ZNF236: variants seen among roughly 807,000 people sequenced by gnomAD.
ZNF236 encodes the protein regulated by glucose.
ZNF236 carries 50 observed loss-of-function variants against 191.2 expected under a neutral mutation model. That is an observed-to-expected ratio of 0.26 (90% CI 0.21 to 0.33). The LOEUF (loss-of-function observed/expected upper bound fraction) is 0.33. Among genes scored for constraint, ZNF236 ranks in the 10% least tolerant of loss-of-function variants. The probability of loss-of-function intolerance (pLI) is 1.00; values close to 1 mark genes in which losing one functional copy is unlikely to be tolerated. For missense variants in ZNF236, 1,754 were observed against 2,374.5 expected (o/e 0.74, Z 5.43); for synonymous variants, 907 against 928.8 (o/e 0.98, Z 0.43).
intron 25 of ZNF236, among the ~76,000 whole-genome samples, chr18:76,935,013 G>C (rs73488949): frequency 0.026 from 3,903 of 152,284 alleles, 183 homozygotes; most frequent in African/African-American, 0.088. Flanking sequence ...CATGCTGGAG[G>C]AACAGTGGTT....
intron 25 of ZNF236, among the ~76,000 whole-genome samples, chr18:76,934,036 A>G (rs538255089): frequency 6.6e-6 from 1 of 152,364 alleles, no homozygotes; most frequent in African/African-American, 2.4e-5. Context: ...TAATGCCCAT[A>G]CAAAACTTAT....
chr18:76,840,519 C>T lies in ZNF236; in HGVS notation c.56-9007C>T, dbSNP rs886414168. ...CAAAAAAAAAAGAAAAAGAGGGAGA[C>T]GTTAATAACATTAAGCATGAAAAGA... On this transcript the variant is annotated intron_variant, in intron 1 of 30. Transcript: ENST00000320610. Among the ~76,000 whole-genome samples the T allele has an allele frequency of 6.0e-5, 9 of 150,488 alleles. No individual in the cohort carries two copies. The South Asian group carries it at 1.7e-3, about 28-fold the overall frequency.
At position 76,960,784 on chromosome 18, in the gene ZNF236, C is replaced by T; in HGVS notation, c.5348C>T (p.Ala1783Val). ...ACGGGGGAGCGGCCCTACAAGTGTG[C>T]CTACTGCGTCATGGGCTTCACGCAG... ...KHTGERPYKCAYCVMGFTQKS... is the reference protein window; with the variant it reads ...KHTGERPYKCVYCVMGFTQKS... The change falls in exon 30 of 31, where the codon GCC (alanine) becomes GTC (valine). Residue 1783 changes from alanine to valine, a missense_variant. Physicochemically the swap from Ala to Val is moderately conservative, Grantham distance 64 (BLOSUM62 0). This residue lies in a region of ZNF236 where 606 missense variants were observed against 761.5 expected (regional missense o/e 0.80). Transcript: ENST00000320610. The surrounding 1 kb of genome is among the most constrained non-coding windows in gnomAD (Gnocchi z 4.4). 6.2e-7 allele frequency: 1 copy of T among 1,614,158 alleles called. No homozygotes were observed. Among genetic ancestry groups the T allele is most frequent in the Non-Finnish European group, 8.5e-7 (1 of 1,180,022 alleles).
At chr18:76,897,766 C>G (rs1977476580) in intron 10 of ZNF236, among the ~76,000 whole-genome samples, 1 of 151,964 alleles carries the variant, frequency 6.6e-6, no homozygotes, top group Non-Finnish European at 1.5e-5. Flanking sequence ...CAGGAACTGC[C>G]AATAGGTACT....
intron 26 of ZNF236, among the ~76,000 whole-genome samples, chr18:76,947,003 G>A (rs554516120): frequency 6.6e-6 from 1 of 152,174 alleles, no homozygotes; most frequent in South Asian, 2.1e-4. Flanking sequence ...TTAAAGAAAC[G>A]TGGAGCCATG....
At chr18:76,824,236 TATTC>T (rs1974953259) in intron 1 of ZNF236, 2 of 763,700 alleles carry the variant, frequency 2.6e-6, no homozygotes, top group Non-Finnish European at 4.9e-6. Flanking sequence ...AATGTAAACT[TATTC>T]ATAGGCCACA....
At chr18:76,833,400 T>A (rs1371709496) in intron 1 of ZNF236, among the ~76,000 whole-genome samples, 1 of 152,170 alleles carries the variant, frequency 6.6e-6, no homozygotes, top group Non-Finnish European at 1.5e-5. Flanking sequence ...CTAAGTTTTT[T>A]ATCATGAATG....
intron 20 of ZNF236, among the ~76,000 whole-genome samples, chr18:76,920,406 G>T (rs55743943): frequency 0.19 from 29,193 of 151,724 alleles, 3,370 homozygotes; most frequent in Middle Eastern, 0.28. Flanking sequence ...ACAAAATTAG[G>T]TGGGTGTAGT....
intron 1 of ZNF236, among the ~76,000 whole-genome samples, chr18:76,848,791 G>T (rs988025410): frequency 6.6e-6 from 1 of 152,070 alleles, no homozygotes. Flanking sequence ...TCAGCCTCCC[G>T]AATAGGTAGG....
chr18:76,840,822 CTTTTTTTT>C (rs1223768202), intron 1 of ZNF236: 1 of 65,702 alleles, frequency 1.5e-5, no homozygotes, highest in Non-Finnish European at 3.0e-5. Context: ...TTCTTTCTTT[CTTTTTTTT>C]TTTTTTTTGA....
At chr18:76,865,771 AAGTTAC>A (rs1475413415) in intron 3 of ZNF236, among the ~76,000 whole-genome samples, 1 of 152,226 alleles carries the variant, frequency 6.6e-6, no homozygotes, top group Non-Finnish European at 1.5e-5. Flanking sequence ...GAGTAGTAAA[AAGTTAC>A]AGTTAAAATG....
In ZNF236 at chr18:76,895,520, A is replaced by G. The variant is rs145493286; in HGVS notation, c.1690+235A>G. ...GACTGCACAAAGGTCTCAAACACAG[A>G]TACCGCACACAGTACCCAACACAGC... On this transcript the variant is annotated intron_variant, in intron 10 of 30. Coordinates refer to ENST00000320610, the MANE Select transcript of ZNF236 (RefSeq NM_001306089.2). The G allele has an allele frequency of 2.2e-4, 135 of 621,550 alleles. No individual in the cohort carries two copies. The highest frequency in any genetic ancestry group is 1.8e-3 in the East Asian group (64 of 35,854). The allele number at this position is 621,550 out of a possible 1,614,324, so 38.5% of individuals were successfully genotyped here. A position where few individuals can be genotyped will look rare whatever the true frequency, so the allele number is the denominator to read the frequency against.
At chr18:76,859,620 C>T (rs1250568338) in intron 3 of ZNF236, among the ~76,000 whole-genome samples, 4 of 152,222 alleles carry the variant, frequency 2.6e-5, no homozygotes, top group East Asian at 1.9e-4. Flanking sequence ...CCACAGCAAC[C>T]GTGGAAACTT....
rs1000245222 is a variant in ZNF236, at chr18:76,970,922, C to T, written c.*2583C>T. 1.7e-4 allele frequency among the ~76,000 whole-genome samples: 26 copies of T among 152,256 alleles called. No homozygotes were observed. The highest frequency in any genetic ancestry group is 6.5e-4 in the Admixed American group (10 of 15,290). ...TCAAAATCAGGGCATGGCTCCGCGA[C>T]AGCGAGCCGTGGGCGTCAGCACAGT... On this transcript the variant is annotated 3_prime_UTR_variant, in exon 31 of 31. Coordinates refer to ENST00000320610, the MANE Select transcript of ZNF236 (RefSeq NM_001306089.2).
chr18:76,833,797 C>T (rs1384304829), intron 1 of ZNF236, among the ~76,000 whole-genome samples: 15 of 151,812 alleles, frequency 9.9e-5, no homozygotes, highest in Non-Finnish European at 2.2e-4. Context: ...GGTAGAATTC[C>T]CTGTTAGAAT....
At position 76,968,253 on chromosome 18, in the gene ZNF236, G is replaced by A. The variant is rs368308185; in HGVS notation, c.5458G>A (p.Gly1820Arg). The A allele has an allele frequency of 4.3e-6, 7 of 1,612,562 alleles. No individual in the cohort carries two copies. In the East Asian group the frequency reaches 6.7e-5, roughly 15 times the overall value. Residue 1820 changes from glycine to arginine, a missense_variant, in exon 31 of 31, where the codon GGG becomes AGG. Gly to Arg is a moderately radical substitution (Grantham distance 125). Coordinates refer to ENST00000320610, the MANE Select transcript of ZNF236 (RefSeq NM_001306089.2). The stretch of plus-strand genomic sequence containing the variant: ...GTCTGCAGGTCACCCGGAGCAGGAC[G>A]GGGAGGAGCTGAGCCGGACCCTCCA... ...QESAGHPEQD[G>R]EELSRTLHLE...
intron 1 of ZNF236, among the ~76,000 whole-genome samples, chr18:76,840,126 C>G (rs1247406652): frequency 1.3e-5 from 2 of 152,118 alleles, no homozygotes; most frequent in East Asian, 3.8e-4. Context: ...CCCAAGTTTA[C>G]AGTCTTTCTT....
At chr18:76,934,012 C>A (rs550068448) in intron 25 of ZNF236, among the ~76,000 whole-genome samples, 1 of 152,274 alleles carries the variant, frequency 6.6e-6, no homozygotes, top group South Asian at 2.1e-4. Flanking sequence ...CTAAGGTAAA[C>A]ACTCAAAAAC....
intron 2 of ZNF236, among the ~76,000 whole-genome samples, chr18:76,850,701 C>T (rs1241501771): frequency 6.6e-6 from 1 of 151,988 alleles, no homozygotes; most frequent in Non-Finnish European, 1.5e-5. Flanking sequence ...CTCCCAGGTT[C>T]AAGCGAATCT....
Sources: allele counts gnomAD v4.1 joint callset (sites outside exome capture counted in the v4.1 genomes callset), GRCh38; gene constraint gnomAD v4.1.1; regional missense constraint gnomAD v4.1.1; non-coding constraint Gnocchi (gnomAD v3.1); transcripts MANE v1.5; gene names NCBI Gene and HGNC (gene_info 2026-07-23, HGNC 2026-07-21).